Variants in B3GALT1 observed in about 807,000 individuals in gnomAD.
B3GALT1 encodes beta-1,3-galactosyltransferase 1.
B3GALT1 carries 10 observed loss-of-function variants against 23.2 expected under a neutral mutation model. The observed-to-expected ratio is 0.43, with a 90% CI of 0.27 to 0.73. The LOEUF (loss-of-function observed/expected upper bound fraction) is 0.73. Among genes scored for constraint, B3GALT1 ranks in the 30% least tolerant of loss-of-function variants. The probability of loss-of-function intolerance (pLI) is 0.21; values close to 1 mark genes in which losing one functional copy is unlikely to be tolerated. For synonymous variants in B3GALT1, 156 were observed against 141.5 expected, an observed-to-expected ratio of 1.10 and a Z score of -0.73; for missense variants, 299 against 405.4, an observed-to-expected ratio of 0.74 and a Z score of 2.25.
intron 3 of B3GALT1, among the ~76,000 whole-genome samples, chr2:167,661,307 A>G (rs1306257983): frequency 6.6e-6 from 1 of 152,084 alleles, no homozygotes; most frequent in Non-Finnish European, 1.5e-5. Flanking sequence ...ATTATATACT[A>G]TGGTAGGTGC....
At position 167,846,996 on chromosome 2, in the gene B3GALT1, TAA is replaced by T. The variant is rs575660879; in HGVS notation, c.-229-21812_-229-21811del. ...AAACAAACATTAAAGCAACAGCAGT[TAA>T]AAGAGACAAAGAGAGACACTATATA... On this transcript the variant is annotated intron_variant, in intron 4 of 4. Coordinates refer to ENST00000392690, the MANE Select transcript of B3GALT1 (RefSeq NM_020981.4). 3.1e-3 allele frequency among the ~76,000 whole-genome samples: 476 copies of T among 152,258 alleles called. 3 individuals are homozygous for T. The highest frequency in any genetic ancestry group is 0.011 in the African/African-American group (451 of 41,550).
intron 3 of B3GALT1, among the ~76,000 whole-genome samples, chr2:167,787,424 G>C (rs1303536619): frequency 6.6e-6 from 1 of 152,180 alleles, no homozygotes; most frequent in Non-Finnish European, 1.5e-5. Context: ...AGAAAAAAAT[G>C]ACCTCGATGC....
intron 2 of B3GALT1, among the ~76,000 whole-genome samples, chr2:167,547,242 C>G (rs1421174342): frequency 6.6e-6 from 1 of 152,182 alleles, no homozygotes; most frequent in Non-Finnish European, 1.5e-5. Context: ...TTATTTCCCT[C>G]TTGGTCAGCC....
At chr2:167,463,248 T>C (rs1161521866) in intron 1 of B3GALT1, among the ~76,000 whole-genome samples, 3 of 152,198 alleles carry the variant, frequency 2.0e-5, no homozygotes, top group Non-Finnish European at 4.4e-5. Flanking sequence ...CAGAATCTTT[T>C]ATTTTACTAA....
intron 2 of B3GALT1, among the ~76,000 whole-genome samples, chr2:167,561,582 GAGA>G (rs1683990563): frequency 6.6e-6 from 1 of 152,036 alleles, no homozygotes; most frequent in Non-Finnish European, 1.5e-5. Context: ...GAAAAAAAGA[GAGA>G]AGAATCAAAT....
chr2:167,863,051 T>C (rs956284034), intron 4 of B3GALT1, among the ~76,000 whole-genome samples: 1 of 152,210 alleles, frequency 6.6e-6, no homozygotes, highest in African/African-American at 2.4e-5. Flanking sequence ...TGACAAGTGT[T>C]ACACGTGCAA....
intron 1 of B3GALT1, among the ~76,000 whole-genome samples, chr2:167,380,165 GT>G (rs1282379574): frequency 1.3e-5 from 2 of 152,054 alleles, no homozygotes; most frequent in Non-Finnish European, 2.9e-5. Context: ...AGTAGAGGGT[GT>G]CCCCCTGCAT....
intron 2 of B3GALT1, among the ~76,000 whole-genome samples, chr2:167,576,238 A>G (rs978035394): frequency 2.6e-5 from 4 of 151,774 alleles, no homozygotes; most frequent in African/African-American, 4.8e-5. Flanking sequence ...TTCATTGTAG[A>G]TCCTTTTAAG....
At chr2:167,778,066 A>T (rs1688191583) in intron 3 of B3GALT1, among the ~76,000 whole-genome samples, 1 of 152,184 alleles carries the variant, frequency 6.6e-6, no homozygotes, top group African/African-American at 2.4e-5. Context: ...GCTTAGCACA[A>T]GAATGAATTT....
At chr2:167,571,125 G>C (rs757955621) in intron 2 of B3GALT1, among the ~76,000 whole-genome samples, 16 of 151,816 alleles carry the variant, frequency 1.1e-4, no homozygotes, top group Non-Finnish European at 2.2e-4. Context: ...ATTCACCATG[G>C]AGTGAAAGAG....
chr2:167,718,292 A>AG (rs1253889063), intron 3 of B3GALT1, among the ~76,000 whole-genome samples: 1 of 152,192 alleles, frequency 6.6e-6, no homozygotes, highest in East Asian at 1.9e-4. Flanking sequence ...AACAAAAAAA[A>AG]AAAATCCCCA....
In B3GALT1 at chr2:167,486,511, A is replaced by T. The variant is rs142363963; in HGVS notation, c.-510-3666A>T. Among the ~76,000 whole-genome samples the T allele has an allele frequency of 8.2e-3, 1,242 of 151,724 alleles. 23 individuals carry two copies. The highest frequency in any genetic ancestry group is 0.029 in the African/African-American group (1,195 of 41,366). ...GAGGCAGGCAGATCACTAGGTCAAG[A>T]GATCGAGACCATCCTGGCCAACATG... On this transcript the variant is annotated intron_variant, in intron 1 of 4. Transcript: ENST00000392690.
At chr2:167,404,233 G>A (rs867506948) in intron 1 of B3GALT1, among the ~76,000 whole-genome samples, 1 of 152,212 alleles carries the variant, frequency 6.6e-6, no homozygotes, top group East Asian at 1.9e-4. Context: ...AATAGAGCAA[G>A]GACTGACATT....
chr2:167,353,954 TAAG>T (rs991990219), intron 1 of B3GALT1, among the ~76,000 whole-genome samples: 5 of 152,290 alleles, frequency 3.3e-5, no homozygotes, highest in East Asian at 1.9e-4. Flanking sequence ...TGTGAAATCT[TAAG>T]GAGCTAAATT....
intron 2 of B3GALT1, among the ~76,000 whole-genome samples, chr2:167,555,394 T>A (rs1356768797): frequency 6.6e-6 from 1 of 152,176 alleles, no homozygotes; most frequent in Non-Finnish European, 1.5e-5. Flanking sequence ...AACTGCAAAG[T>A]CCCTGTTCTT....
intron 3 of B3GALT1, among the ~76,000 whole-genome samples, chr2:167,707,250 T>C (rs1384644706): frequency 1.3e-5 from 2 of 152,354 alleles, no homozygotes; most frequent in East Asian, 1.9e-4. Flanking sequence ...GCTCAAATTA[T>C]AGGTTTCCAG....
intron 3 of B3GALT1, among the ~76,000 whole-genome samples, chr2:167,671,639 AG>A (rs1686327008): frequency 6.6e-6 from 1 of 152,112 alleles, no homozygotes; most frequent in South Asian, 2.1e-4. Flanking sequence ...ATGCAGCAAA[AG>A]TATTCCTAAG....
intron 3 of B3GALT1, among the ~76,000 whole-genome samples, chr2:167,766,647 A>G (rs1474523443): frequency 6.6e-6 from 1 of 152,188 alleles, no homozygotes; most frequent in Non-Finnish European, 1.5e-5. Context: ...GAGCCAAATC[A>G]TGACTATAAA....
chr2:167,430,353 T>C (rs1698688536), intron 1 of B3GALT1, among the ~76,000 whole-genome samples: 1 of 152,154 alleles, frequency 6.6e-6, no homozygotes, highest in Admixed American at 6.5e-5. Flanking sequence ...TGTAAACACC[T>C]TGTCGCCTTC....
Sources: allele counts gnomAD v4.1 joint callset (sites outside exome capture counted in the v4.1 genomes callset), GRCh38; gene constraint gnomAD v4.1.1; transcripts MANE v1.5; gene names NCBI Gene and HGNC (gene_info 2026-07-23, HGNC 2026-07-21).